The following RALYL variants were observed in gnomAD, a reference collection of about 807,000 sequenced individuals.
RALYL encodes the protein RALY RNA binding protein like, also known as RNA-binding Raly-like protein.
RALYL carries 29 observed loss-of-function variants against 35.1 expected under a neutral mutation model. That is an observed-to-expected ratio of 0.83 (90% CI 0.61 to 1.13). The LOEUF is 1.13. RALYL is among the 50% of genes most tolerant of loss of function. The pLI, the probability that RALYL is intolerant of heterozygous loss-of-function variation, is 0.00. For synonymous variants in RALYL, 120 were observed against 127.6 expected, an observed-to-expected ratio of 0.94 and a Z score of 0.40; for missense variants, 359 against 360.4, an observed-to-expected ratio of 1.00 and a Z score of 0.03.
At chr8:84,786,150 G>T (rs1231098136) in intron 3 of RALYL, among the ~76,000 whole-genome samples, 1 of 152,134 alleles carries the variant, frequency 6.6e-6, no homozygotes, top group Non-Finnish European at 1.5e-5. Flanking sequence ...TCCCTGCAAA[G>T]GATATGATCT....
chr8:84,460,685 T>A (rs1001729193), intron 1 of RALYL, among the ~76,000 whole-genome samples: 1 of 151,674 alleles, frequency 6.6e-6, no homozygotes, highest in African/African-American at 2.4e-5. Flanking sequence ...TAGTTGCTGA[T>A]GAGAAGTTGG....
intron 1 of RALYL, among the ~76,000 whole-genome samples, chr8:84,407,069 A>ACAC (rs2043609247): frequency 7.1e-6 from 1 of 140,868 alleles, no homozygotes; most frequent in African/African-American, 2.6e-5. Flanking sequence ...CACACACACA[A>ACAC]ACACACACAC....
intron 1 of RALYL, among the ~76,000 whole-genome samples, chr8:84,379,690 AAAAG>A (rs919424982): frequency 1.1e-4 from 16 of 151,950 alleles, no homozygotes; most frequent in South Asian, 2.1e-4. Flanking sequence ...ACAAAAAACT[AAAAG>A]AAGAGATAAA....
intron 1 of RALYL, among the ~76,000 whole-genome samples, chr8:84,217,490 C>A (rs1022073515): frequency 3.3e-5 from 5 of 151,876 alleles, no homozygotes; most frequent in Non-Finnish European, 5.9e-5. Context: ...AAGAGGATGA[C>A]AAGTTGTGCA....
At chr8:84,266,213 T>G (rs1304822989) in intron 1 of RALYL, among the ~76,000 whole-genome samples, 1 of 151,744 alleles carries the variant, frequency 6.6e-6, no homozygotes, top group African/African-American at 2.4e-5. Context: ...TTTTTGCCAG[T>G]GTGATTTTTT....
At chr8:84,576,851 GAATTTGT>G (rs1228441438) in intron 2 of RALYL, among the ~76,000 whole-genome samples, 1 of 152,160 alleles carries the variant, frequency 6.6e-6, no homozygotes, top group Admixed American at 6.5e-5. Context: ...GAAGACATTT[GAATTTGT>G]GACTGCAACT....
chr8:84,846,878 G>T (rs988842844), intron 4 of RALYL, among the ~76,000 whole-genome samples: 1 of 152,084 alleles, frequency 6.6e-6, no homozygotes, highest in Non-Finnish European at 1.5e-5. Flanking sequence ...CACTGATCTT[G>T]TTTATTTATT....
intron 8 of RALYL, among the ~76,000 whole-genome samples, chr8:84,908,154 A>T (rs1282798896): frequency 6.6e-6 from 1 of 152,180 alleles, no homozygotes; most frequent in East Asian, 1.9e-4. Context: ...ATGTAGAATG[A>T]TTAAATAAAG....
intron 2 of RALYL, among the ~76,000 whole-genome samples, chr8:84,541,054 A>C (rs1278529666): frequency 6.6e-6 from 1 of 151,846 alleles, no homozygotes; most frequent in Admixed American, 6.6e-5. Context: ...TCAAACACCC[A>C]AATTATGGCT....
At chr8:84,329,711 G>A (rs1846469495) in intron 1 of RALYL, among the ~76,000 whole-genome samples, 1 of 151,948 alleles carries the variant, frequency 6.6e-6, no homozygotes, top group South Asian at 2.1e-4. Context: ...GAAATATAAA[G>A]CACTGTGATC....
chr8:84,196,958 G>T (rs1037459438), intron 1 of RALYL, among the ~76,000 whole-genome samples: 1 of 152,070 alleles, frequency 6.6e-6, no homozygotes, highest in Non-Finnish European at 1.5e-5. Flanking sequence ...TTGTTATTTG[G>T]CCCTGGAGGT....
chr8:84,302,408 C>G (rs1840982115), intron 1 of RALYL, among the ~76,000 whole-genome samples: 1 of 152,194 alleles, frequency 6.6e-6, no homozygotes, highest in Admixed American at 6.5e-5. Context: ...GCTCACGTCC[C>G]TCTTTTCTCT....
chr8:84,712,584 A>G (rs1842358237), intron 2 of RALYL, among the ~76,000 whole-genome samples: 1 of 152,278 alleles, frequency 6.6e-6, no homozygotes, highest in South Asian at 2.1e-4. Context: ...CTGTACTTTC[A>G]GAAAACAACT....
intron 1 of RALYL, among the ~76,000 whole-genome samples, chr8:84,324,606 A>C (rs1053292676): frequency 6.7e-6 from 1 of 149,418 alleles, no homozygotes; most frequent in Admixed American, 6.6e-5. Context: ...TTTTTTTGTA[A>C]ACTTTTCCAG....
intron 7 of RALYL, among the ~76,000 whole-genome samples, chr8:84,876,495 T>G (rs1841170915): frequency 6.6e-6 from 1 of 152,192 alleles, no homozygotes; most frequent in Admixed American, 6.5e-5. Flanking sequence ...TTGCCACATA[T>G]GCATAGCACA....
At chr8:84,432,170 G>A (rs972997967) in intron 1 of RALYL, among the ~76,000 whole-genome samples, 7 of 152,018 alleles carry the variant, frequency 4.6e-5, no homozygotes, top group Non-Finnish European at 1.0e-4. Flanking sequence ...TAAAACATGA[G>A]GTATAAATAT....
chr8:84,406,974 T>G (rs534654883), intron 1 of RALYL, among the ~76,000 whole-genome samples: 1 of 151,928 alleles, frequency 6.6e-6, no homozygotes, highest in Admixed American at 6.6e-5. Context: ...ACATTGCTGA[T>G]ATTTTTGTTT....
At chr8:84,277,814 C>A (rs1402521896) in intron 1 of RALYL, among the ~76,000 whole-genome samples, 1 of 152,226 alleles carries the variant, frequency 6.6e-6, no homozygotes, top group African/African-American at 2.4e-5. Flanking sequence ...CATGCTGATG[C>A]AAGAGGTGCA....
chr8:84,877,982 G>A (rs1303748285), intron 7 of RALYL, among the ~76,000 whole-genome samples: 1 of 152,114 alleles, frequency 6.6e-6, no homozygotes, highest in East Asian at 1.9e-4. Flanking sequence ...CAAGGAAAGG[G>A]TTTAGCAGCT....
Sources: gnomAD v4.1 joint callset for allele counts (sites outside exome capture counted in the v4.1 genomes callset) on GRCh38, gnomAD v4.1.1 for gene constraint, MANE v1.5 for transcripts, NCBI Gene and HGNC (gene_info 2026-07-23, HGNC 2026-07-21) for gene names.